The following SLC22A23 variants were observed in gnomAD, a reference collection of about 807,000 sequenced individuals.
The protein encoded by SLC22A23 is solute carrier family 22 member 23, also known as ion transporter protein.
SLC22A23 carries 26 observed loss-of-function variants against 61.0 expected under a neutral mutation model. That is an observed-to-expected ratio of 0.43 (90% CI 0.31 to 0.59). The LOEUF (loss-of-function observed/expected upper bound fraction) is 0.59, where lower values mean the gene tolerates loss of function less well. Ranked by LOEUF, SLC22A23 falls within the 20% of genes least tolerant of loss-of-function variation. SLC22A23 has a pLI of 0.11. For synonymous variants in SLC22A23, 430 were observed against 413.9 expected (o/e 1.04, Z -0.47); for missense variants, 796 against 934.7 (o/e 0.85, Z 1.94).
chr6:3,434,835 G>A (rs1771102967), intron 1 of SLC22A23, among the ~76,000 whole-genome samples: 1 of 152,152 alleles, frequency 6.6e-6, no homozygotes, highest in South Asian at 2.1e-4. Flanking sequence ...CTTGTGCTTA[G>A]GAAATAGATC....
chr6:3,410,126 C>T lies in SLC22A23; in HGVS notation c.913+62G>A, dbSNP rs766572207. Reference sequence around the variant, plus strand: ...GCATGCACAGTATCTTTCCCAGAACCTCCCAGGCAACAATACTTTTGCTAA... The same window carrying T: ...GCATGCACAGTATCTTTCCCAGAACTTCCCAGGCAACAATACTTTTGCTAA... On this transcript the variant is annotated intron_variant, in intron 3 of 9. Coordinates refer to ENST00000406686, the MANE Select transcript of SLC22A23 (RefSeq NM_015482.2). This position sits in a 1 kb window ranked among gnomAD's most constrained non-coding sequence, Gnocchi z 5.0. 3.2e-4 allele frequency: 492 copies of T among 1,539,608 alleles called. No homozygotes were observed. The highest frequency in any genetic ancestry group is 4.2e-4 in the Non-Finnish European group (478 of 1,141,872).
At chr6:3,434,083 G>A (rs1467801072) in intron 1 of SLC22A23, among the ~76,000 whole-genome samples, 7 of 152,194 alleles carry the variant, frequency 4.6e-5, no homozygotes, top group Non-Finnish European at 7.3e-5. Flanking sequence ...GGGAGGCCGA[G>A]GCGATGGATC....
chr6:3,456,138 G>A lies in SLC22A23; in HGVS notation c.422C>T (p.Thr141Ile), dbSNP rs932374924. 8 of 1,551,092 alleles carry A rather than the reference G, an allele frequency of 5.2e-6. No individual in the cohort carries two copies. Among genetic ancestry groups the A allele is most frequent in the Non-Finnish European group, 7.0e-6 (8 of 1,146,860 alleles). Residue 141 changes from threonine to isoleucine, a missense_variant, in exon 1 of 10, where the codon ACC becomes ATC. Physicochemically the swap from Thr to Ile is moderately conservative, Grantham distance 89. Coordinates refer to ENST00000406686, the MANE Select transcript of SLC22A23 (RefSeq NM_015482.2). The surrounding 1 kb of genome is among the most constrained non-coding windows in gnomAD (Gnocchi z 7.1). ...AGKGTELAGV[T>I]TTGRGGDMGN... ...CATGTCCCCGCCCCGGCCTGTGGTGGTGACCCCTGCCAGCTCGGTGCCTTT... is the reference window on the plus strand; with the variant it reads ...CATGTCCCCGCCCCGGCCTGTGGTGATGACCCCTGCCAGCTCGGTGCCTTT...
chr6:3,402,485 AGAGTGCACTAGGCCCCAGCCAACCC>A (rs1768482426), intron 3 of SLC22A23, among the ~76,000 whole-genome samples: 1 of 151,658 alleles, frequency 6.6e-6, no homozygotes, highest in African/African-American at 2.4e-5. Context: ...CACACTACCC[AGAGTGCACTAGGCCCCAGCCAACCC>A]CAATCATCCA....
chr6:3,318,780 A>C lies in SLC22A23; in HGVS notation c.1082+5054T>G, dbSNP rs1242797669. ...CTGTCACCCACCACAGTAGGATAGC[A>C]GGACAGGACTTCAGCCTCCAGCCCT... On this transcript the variant is annotated intron_variant, in intron 4 of 9. Coordinates refer to ENST00000406686, the MANE Select transcript of SLC22A23 (RefSeq NM_015482.2). This position sits in a 1 kb window ranked among gnomAD's most constrained non-coding sequence, Gnocchi z 4.3. 1.3e-5 allele frequency among the ~76,000 whole-genome samples: 2 copies of C among 152,164 alleles called. No individual in the cohort carries two copies. The highest frequency in any genetic ancestry group is 3.9e-4 in the East Asian group (2 of 5,190).
At position 3,284,847 on chromosome 6, in the gene SLC22A23, C is replaced by T. The variant is rs377676030; in HGVS notation, c.1579+232G>A. The T allele has an allele frequency of 4.1e-5, 60 of 1,452,642 alleles. 1 individual carries two copies. The highest frequency in any genetic ancestry group is 3.9e-4 in the Admixed American group (20 of 50,738). 90.0% of individuals were successfully genotyped at this position (1,452,642 alleles called of 1,614,324 possible). A position where few individuals can be genotyped will look rare whatever the true frequency, so the allele number is the denominator to read the frequency against. ...TGCCAGGGGAAGGGGCGGGGGCATG[C>T]GTGCCAAGCAGCACACAAACAGGGA... On this transcript the variant is annotated intron_variant, in intron 8 of 9. Transcript: ENST00000406686.
chr6:3,423,785 C>A (rs1001734259), intron 1 of SLC22A23, among the ~76,000 whole-genome samples: 3 of 152,184 alleles, frequency 2.0e-5, no homozygotes, highest in African/African-American at 7.2e-5. Flanking sequence ...AGGGTATTTT[C>A]TAGTATAACA....
In SLC22A23 at chr6:3,410,576, G is replaced by A. The variant is rs1769157026; in HGVS notation, c.759-234C>T. Among the ~76,000 whole-genome samples, 1 of 152,122 alleles carries A rather than the reference G, an allele frequency of 6.6e-6. No individual in the cohort carries two copies. Among genetic ancestry groups the A allele is most frequent in the African/African-American group, 2.4e-5 (1 of 41,420 alleles). On this transcript the variant is annotated intron_variant, in intron 2 of 9. Transcript: ENST00000406686. This position sits in a 1 kb window ranked among gnomAD's most constrained non-coding sequence, Gnocchi z 5.0. ...GGAGCAGAGATCAACCAATTACAGA[G>A]TAAGAGAATTCAGACTTGAGCCCAA... is the stretch of plus-strand genomic sequence containing the variant.
At position 3,286,846 on chromosome 6, in the gene SLC22A23, C is replaced by T; in HGVS notation, c.1546+13G>A. The T allele has an allele frequency of 6.3e-7, 1 of 1,575,576 alleles. No homozygotes were observed. The highest frequency in any genetic ancestry group is 8.6e-7 in the Non-Finnish European group (1 of 1,160,892). On this transcript the variant is annotated intron_variant, in intron 7 of 9. Transcript: ENST00000406686. The surrounding 1 kb of genome is among the most constrained non-coding windows in gnomAD (Gnocchi z 4.2). ...CCCTCCCTGCACCCAGCCCACCTCC[C>T]CGACCCACTCACGGTTGAGGAGGCC... is the stretch of plus-strand genomic sequence containing the variant.
intron 5 of SLC22A23, among the ~76,000 whole-genome samples, chr6:3,294,213 C>T (rs940010109): frequency 2.0e-5 from 3 of 152,060 alleles, no homozygotes; most frequent in South Asian, 2.1e-4. Context: ...ACATATGAAG[C>T]GCTTCCTCCG....
At chr6:3,336,207 C>T (rs1468249745) in intron 3 of SLC22A23, among the ~76,000 whole-genome samples, 1 of 152,124 alleles carries the variant, frequency 6.6e-6, no homozygotes, top group East Asian at 1.9e-4. Context: ...CAAATGTTTC[C>T]CAAGAAGGTG....
At chr6:3,350,054 A>C (rs755736151) in intron 3 of SLC22A23, among the ~76,000 whole-genome samples, 2 of 152,222 alleles carry the variant, frequency 1.3e-5, no homozygotes, top group Non-Finnish European at 2.9e-5. Flanking sequence ...ACCATGGTTG[A>C]TAGAAAATTA....
intron 3 of SLC22A23, among the ~76,000 whole-genome samples, chr6:3,376,942 T>C (rs149428534): frequency 2.2e-3 from 335 of 151,604 alleles, no homozygotes; most frequent in African/African-American, 7.0e-3. Flanking sequence ...GAAGGGCATT[T>C]CAGATGGAGG....
intron 3 of SLC22A23, among the ~76,000 whole-genome samples, chr6:3,338,499 G>C (rs1763980216): frequency 6.6e-6 from 1 of 152,174 alleles, no homozygotes; most frequent in Non-Finnish European, 1.5e-5. Flanking sequence ...GCTAATTTTT[G>C]TGTTTTTAGG....
chr6:3,286,829 G>A lies in SLC22A23; in HGVS notation c.1546+30C>T. On this transcript the variant is annotated intron_variant, in intron 7 of 9. Coordinates refer to ENST00000406686, the MANE Select transcript of SLC22A23 (RefSeq NM_015482.2). This position sits in a 1 kb window ranked among gnomAD's most constrained non-coding sequence, Gnocchi z 4.2. ...TGGGGATCTGCCAGCTTCCCTCCCT[G>A]CACCCAGCCCACCTCCCCGACCCAC... 6.5e-7 allele frequency: 1 copy of A among 1,542,300 alleles called. No individual in the cohort carries two copies. Among genetic ancestry groups the A allele is most frequent in the Admixed American group, 1.9e-5 (1 of 51,888 alleles).
chr6:3,389,452 T>C (rs1408519138), intron 3 of SLC22A23, among the ~76,000 whole-genome samples: 2 of 152,134 alleles, frequency 1.3e-5, no homozygotes, highest in African/African-American at 4.8e-5. Flanking sequence ...TGCAGACAAT[T>C]AGAGTAGGAG....
chr6:3,425,955 T>G (rs1306552764), intron 1 of SLC22A23, among the ~76,000 whole-genome samples: 1 of 152,218 alleles, frequency 6.6e-6, no homozygotes, highest in Non-Finnish European at 1.5e-5. Context: ...GTTATAGCAT[T>G]TGTCTGGACA....
intron 1 of SLC22A23, among the ~76,000 whole-genome samples, chr6:3,430,184 GCA>G (rs1183947313): frequency 1.3e-5 from 2 of 152,208 alleles, no homozygotes; most frequent in Non-Finnish European, 2.9e-5. Context: ...GCAGCAGAAA[GCA>G]CAGTTGTCTT....
chr6:3,296,120 A>G (rs1179220628), intron 5 of SLC22A23, among the ~76,000 whole-genome samples: 2 of 152,208 alleles, frequency 1.3e-5, no homozygotes, highest in African/African-American at 4.8e-5. Context: ...AATGCCACAA[A>G]CAAATTGTAC....
Sources: allele counts gnomAD v4.1 joint callset (sites outside exome capture counted in the v4.1 genomes callset), GRCh38; gene constraint gnomAD v4.1.1; non-coding constraint Gnocchi (gnomAD v3.1); transcripts MANE v1.5; gene names NCBI Gene and HGNC (gene_info 2026-07-23, HGNC 2026-07-21).